Variants in ALG13 observed in about 807,000 individuals in gnomAD.
The protein encoded by ALG13 is UDP-N-acetylglucosamine transferase subunit ALG13.
Under a neutral mutation model 87.8 loss-of-function variants are expected in ALG13, and 11 were observed. That is an observed-to-expected ratio of 0.13 (90% CI 0.08 to 0.21). ALG13 has a LOEUF of 0.21. Among genes scored for constraint, ALG13 ranks in the 10% least tolerant of loss-of-function variants. The pLI, the probability that ALG13 is intolerant of heterozygous loss-of-function variation, is 1.00. For synonymous variants in ALG13, 320 were observed against 306.3 expected, an observed-to-expected ratio of 1.04 and a Z score of -0.47; for missense variants, 756 against 866.1, an observed-to-expected ratio of 0.87 and a Z score of 1.60.
chrX:111,681,381 C>T (rs1602459698), intron 1 of ALG13, 82 bp downstream of exon 1: 1 of 1,188,188 alleles, frequency 8.4e-7, no homozygotes, highest in African/African-American at 1.8e-5. Context: ...TTAGCCTTGC[C>T]TGACCGTCGC....
In ALG13 at chrX:111,745,405, T is replaced by G. The variant is rs769517384; in HGVS notation, c.2932+501T>G. ...TTTCTTAAACATCTAAGGAGAGTAGTTTTTCATTGGAAGTTCTTTATTACT... is the reference window on the plus strand; with the variant it reads ...TTTCTTAAACATCTAAGGAGAGTAGGTTTTCATTGGAAGTTCTTTATTACT... On this transcript the variant is annotated intron_variant, in intron 24 of 26. Coordinates refer to ENST00000394780, the MANE Select transcript of ALG13 (RefSeq NM_001099922.3). 3.6e-5 allele frequency among the ~76,000 whole-genome samples: 4 copies of G among 111,329 alleles called. No individual in the cohort carries two copies. The South Asian group carries it at 1.5e-3, about 42-fold the overall frequency.
At chrX:111,727,261 TTAAC>T (rs1461124142) in intron 16 of ALG13, 67 bp from the exon 17 acceptor site, 2 of 941,398 alleles carry the variant, frequency 2.1e-6, no homozygotes, top group African/African-American at 3.9e-5. Context: ...TTAGTTCTAT[TTAAC>T]TACAGAGACT....
At chrX:111,747,044 C>A in intron 24 of ALG13, among the ~76,000 whole-genome samples, 1 of 112,037 alleles carries the variant, frequency 8.9e-6, no homozygotes, top group Admixed American at 9.5e-5. Context: ...ATATTTGATA[C>A]AATGATGAAC....
At position 111,722,905 on chromosome X, in the gene ALG13, T is replaced by G. The variant is rs759509662; in HGVS notation, c.1500+48T>G. 3 of 933,001 alleles carry G rather than the reference T, an allele frequency of 3.2e-6. No individual in the cohort carries two copies. The South Asian group carries it at 6.4e-5, about 20-fold the overall frequency. The allele number at this position is 933,001 out of a possible 1,213,427, so 76.9% of individuals were successfully genotyped here. A position where few individuals can be genotyped will look rare whatever the true frequency, so the allele number is the denominator to read the frequency against. The stretch of plus-strand genomic sequence containing the variant: ...AGTAATTTTTTTAAGAATGTGCTTT[T>G]TGTCATGATATGAGTTGAACAAGAC... On this transcript the variant is annotated intron_variant, in intron 13 of 26. Transcript: ENST00000394780.
chrX:111,717,782 A>G lies in ALG13; in HGVS notation c.1006-64A>G, dbSNP rs1395425728. On this transcript the variant is annotated intron_variant, in intron 8 of 26. Transcript: ENST00000394780. ...CTGACTCAATTTCAAGTTAATTATC[A>G]TCTTAATTTCATGGTTTTAAGATGT... The G allele has an allele frequency of 8.9e-6, 7 of 784,464 alleles. No homozygotes were observed. The Admixed American group carries it at 2.7e-4, about 30-fold the overall frequency. The allele number at this position is 784,464 out of a possible 1,213,427, so 64.6% of individuals were successfully genotyped here.
chrX:111,731,149 A>G (rs1453043335), intron 21 of ALG13, among the ~76,000 whole-genome samples: 1 of 112,121 alleles, frequency 8.9e-6, no homozygotes, highest in Non-Finnish European at 1.9e-5. Flanking sequence ...CATAGGCAGA[A>G]TACTTGTTTC....
intron 23 of ALG13, among the ~76,000 whole-genome samples, chrX:111,742,290 A>G (rs950353930): frequency 1.8e-5 from 2 of 111,033 alleles, no homozygotes; most frequent in Admixed American, 9.6e-5. Context: ...CTGCCAGGTA[A>G]CAAGATGTGA....
In ALG13 at chrX:111,682,382, T is replaced by C. The variant is rs774519779; in HGVS notation, c.244+88T>C. 7 of 751,028 alleles carry C rather than the reference T, an allele frequency of 9.3e-6. No homozygotes were observed. In the East Asian group the frequency reaches 2.2e-4, roughly 23 times the overall value. The allele number at this position is 751,028 out of a possible 1,213,427, so 61.9% of individuals were successfully genotyped here. A position where few individuals can be genotyped will look rare whatever the true frequency, so the allele number is the denominator to read the frequency against. On this transcript the variant is annotated intron_variant, in intron 2 of 26. Coordinates refer to ENST00000394780, the MANE Select transcript of ALG13 (RefSeq NM_001099922.3). ...GTATTCTGGGGGTACATGTGCAGGA[T>C]GTGCGGGCTTGTTACAAAGGTAAAC...
At chrX:111,713,003 TAA>T (rs1051392204) in intron 7 of ALG13, among the ~76,000 whole-genome samples, 1 of 110,132 alleles carries the variant, frequency 9.1e-6, no homozygotes, top group African/African-American at 3.3e-5. Context: ...TTAAGATACA[TAA>T]AAAAAAATCC....
chrX:111,758,482 C>G (rs1945462554), intron 26 of ALG13, among the ~76,000 whole-genome samples: 1 of 112,304 alleles, frequency 8.9e-6, no homozygotes, highest in African/African-American at 3.2e-5. Flanking sequence ...CCACCATGAG[C>G]TTGACACCTT....
At position 111,684,957 on chromosome X, in the gene ALG13, A is replaced by G; in HGVS notation, c.245-8A>G. ...ATTGTGTTGAACAAATTTGATTTAT[A>G]TTTGTAGGTGCAGGAAGCTGTTTGG... On this transcript the variant is annotated splice_polypyrimidine_tract_variant and splice_region_variant and intron_variant, in intron 2 of 26. Transcript: ENST00000394780. 2 of 1,194,558 alleles carry G rather than the reference A, an allele frequency of 1.7e-6. No individual in the cohort carries two copies. Among genetic ancestry groups the G allele is most frequent in the Non-Finnish European group, 2.3e-6 (2 of 888,325 alleles).
chrX:111,730,290 T>C (rs1330945878), intron 19 of ALG13, 105 bp from the exon 20 acceptor site: 7 of 679,203 alleles, frequency 1.0e-5, no homozygotes, highest in Non-Finnish European at 1.6e-5. Flanking sequence ...GTTTTGAACA[T>C]ATAACCATAA....
intron 25 of ALG13, among the ~76,000 whole-genome samples, chrX:111,753,882 C>T (rs1944983670): frequency 8.9e-6 from 1 of 111,775 alleles, no homozygotes; most frequent in Admixed American, 9.5e-5. Flanking sequence ...TGAACGATTC[C>T]AATCAATAGA....
intron 22 of ALG13, 105 bp downstream of exon 22, chrX:111,735,227 T>A (rs1943121293): frequency 3.9e-6 from 2 of 515,625 alleles, no homozygotes; most frequent in Non-Finnish European, 6.6e-6. Context: ...CTGCTTTTGT[T>A]CCTTTAGGTA....
chrX:111,719,088 G>A (rs1333622793), intron 10 of ALG13, among the ~76,000 whole-genome samples: 3 of 102,104 alleles, frequency 2.9e-5, no homozygotes, highest in Admixed American at 1.1e-4. Flanking sequence ...GTGCAGTAGC[G>A]CGATCTCAGC....
intron 23 of ALG13, among the ~76,000 whole-genome samples, chrX:111,739,344 G>A (rs1943550907): frequency 8.9e-6 from 1 of 111,914 alleles, no homozygotes; most frequent in South Asian, 3.8e-4. Context: ...TGACACCTGG[G>A]GATTACAACT....
chrX:111,745,290 C>A (rs1242838241), intron 24 of ALG13, among the ~76,000 whole-genome samples: 1 of 111,208 alleles, frequency 9.0e-6, no homozygotes, highest in African/African-American at 3.3e-5. Context: ...TGAATTATTG[C>A]AGTCTTTTAT....
intron 21 of ALG13, among the ~76,000 whole-genome samples, chrX:111,733,514 A>T (rs1942933061): frequency 9.0e-6 from 1 of 111,164 alleles, no homozygotes; most frequent in Non-Finnish European, 1.9e-5. Flanking sequence ...TATGCACCAC[A>T]TTTTCTTTAT....
At chrX:111,693,541 C>T (rs1414646330) in intron 3 of ALG13, among the ~76,000 whole-genome samples, 1 of 111,374 alleles carries the variant, frequency 9.0e-6, no homozygotes, top group Non-Finnish European at 1.9e-5. Flanking sequence ...GCACTGTGCC[C>T]GGCCAGAATA....
Sources: gnomAD v4.1 joint callset for allele counts (sites outside exome capture counted in the v4.1 genomes callset) on GRCh38, gnomAD v4.1.1 for gene constraint, MANE v1.5 for transcripts, NCBI Gene and HGNC (gene_info 2026-07-23, HGNC 2026-07-21) for gene names.